EIF4G3: variants seen among roughly 807,000 people sequenced by gnomAD.
EIF4G3 encodes eukaryotic translation initiation factor 4 gamma 3.
In EIF4G3, 34 loss-of-function variants were observed where a neutral mutation model predicts 186.4. That is an observed-to-expected ratio of 0.18 (90% CI 0.14 to 0.24). The LOEUF (loss-of-function observed/expected upper bound fraction) is 0.24. EIF4G3 is among the 10% of genes least tolerant of loss of function. EIF4G3 has a pLI of 1.00. For synonymous variants in EIF4G3, 673 were observed against 679.5 expected, an observed-to-expected ratio of 0.99 and a Z score of 0.15; for missense variants, 1,536 against 1,948.5, an observed-to-expected ratio of 0.79 and a Z score of 3.99.
At chr1:20,984,366 A>G (rs1175737388) in intron 7 of EIF4G3, among the ~76,000 whole-genome samples, 2 of 151,770 alleles carry the variant, frequency 1.3e-5, no homozygotes, top group Admixed American at 6.6e-5. Flanking sequence ...GGGTTTCACC[A>G]TATTGGCCAG....
chr1:21,143,487 G>A (rs2097376764), intron 2 of EIF4G3, among the ~76,000 whole-genome samples: 1 of 152,140 alleles, frequency 6.6e-6, no homozygotes, highest in African/African-American at 2.4e-5. Flanking sequence ...GGCATAGAAA[G>A]TCTGGAGAAA....
At chr1:20,989,154 T>C (rs1407099250) in intron 7 of EIF4G3, among the ~76,000 whole-genome samples, 2 of 142,970 alleles carry the variant, frequency 1.4e-5, no homozygotes, top group African/African-American at 2.6e-5. Context: ...TTCACAAGCA[T>C]TTGGAAGAAG....
intron 7 of EIF4G3, among the ~76,000 whole-genome samples, chr1:20,991,141 A>T (rs1036767666): frequency 4.6e-5 from 7 of 151,944 alleles, no homozygotes; most frequent in Non-Finnish European, 1.0e-4. Context: ...TCCATTCTAA[A>T]TTTTTTCTAT....
rs373369546 is a variant in EIF4G3 at position 21,002,771 on chromosome 1, G to C, written c.-29C>G. The C allele has an allele frequency of 2.5e-5, 40 of 1,613,656 alleles. No homozygotes were observed. In the African/African-American group the frequency reaches 4.3e-4, roughly 17 times the overall value. On this transcript the variant is annotated 5_prime_UTR_variant, in exon 5 of 37. Transcript: ENST00000602326. ...CTGAGGGGTTTGAGGGTATACCAGC[G>C]TGGTTGGACCTGCATTCTGTCCAGA...
chr1:20,927,447 A>G (rs921598882), intron 14 of EIF4G3, among the ~76,000 whole-genome samples: 5 of 152,232 alleles, frequency 3.3e-5, no homozygotes, highest in African/African-American at 9.6e-5. Context: ...TCCAGCAGCA[A>G]TATTTTCTCT....
intron 2 of EIF4G3, among the ~76,000 whole-genome samples, chr1:21,142,610 T>A (rs1048322208): frequency 9.2e-5 from 14 of 152,188 alleles, no homozygotes; most frequent in Non-Finnish European, 2.9e-5. Context: ...AATAAAGATC[T>A]AAATGGAATC....
Position 20,926,862 on chromosome 1 carries a change from A to G in EIF4G3, c.1663+14629T>C, listed in dbSNP as rs10916905. 9.0e-3 allele frequency among the ~76,000 whole-genome samples: 1,372 copies of G among 152,138 alleles called. 25 individuals carry two copies. The highest frequency in any genetic ancestry group is 0.032 in the African/African-American group (1,318 of 41,506). On this transcript the variant is annotated intron_variant, in intron 14 of 36. Coordinates refer to ENST00000602326, the MANE Select transcript of EIF4G3 (RefSeq NM_001391906.1). ...AATAAAAGCTCTCGGGGATAACAGA[A>G]AAATAAAAGCTTTACTAATCCTGGA... is the stretch of plus-strand genomic sequence containing the variant.
chr1:21,135,351 T>C (rs1253713216), intron 2 of EIF4G3, among the ~76,000 whole-genome samples: 1 of 151,924 alleles, frequency 6.6e-6, no homozygotes, highest in Non-Finnish European at 1.5e-5. Context: ...AATACAAAAT[T>C]AGCTGGCTGT....
Position 20,954,775 on chromosome 1 carries a change from C to T in EIF4G3, c.715-4664G>A, listed in dbSNP as rs1207649288. On this transcript the variant is annotated intron_variant, in intron 12 of 36. Coordinates refer to ENST00000602326, the MANE Select transcript of EIF4G3 (RefSeq NM_001391906.1). ...AGAGCTTATATTCTATCAAAGGAAA[C>T]ATATGGTATAGACCACAAAATTAAT... Among the ~76,000 whole-genome samples the T allele has an allele frequency of 2.0e-5, 3 of 152,060 alleles. No individual in the cohort carries two copies. In the East Asian group the frequency reaches 5.8e-4, roughly 29 times the overall value.
intron 3 of EIF4G3, chr1:21,064,705 A>G (rs192790705): frequency 7.2e-5 from 11 of 152,390 alleles, no homozygotes; most frequent in African/African-American, 9.6e-5. Context: ...ATCATTTAGT[A>G]AAACTACACA....
intron 3 of EIF4G3, among the ~76,000 whole-genome samples, chr1:21,057,079 C>A (rs2094594938): frequency 6.6e-6 from 1 of 152,154 alleles, no homozygotes; most frequent in South Asian, 2.1e-4. Context: ...TAAACTGGTA[C>A]AACCACTTTG....
intron 2 of EIF4G3, among the ~76,000 whole-genome samples, chr1:21,154,751 A>G (rs1487403786): frequency 6.6e-6 from 1 of 152,206 alleles, no homozygotes; most frequent in Non-Finnish European, 1.5e-5. Flanking sequence ...GATATATGCT[A>G]TGTATCTATG....
At chr1:20,820,637 G>A (rs1262509566) in intron 33 of EIF4G3, among the ~76,000 whole-genome samples, 1 of 152,166 alleles carries the variant, frequency 6.6e-6, no homozygotes, top group Non-Finnish European at 1.5e-5. Context: ...GCCCAACCAT[G>A]GCTGCCTATG....
chr1:21,131,430 A>AT (rs780236528), intron 2 of EIF4G3, among the ~76,000 whole-genome samples: 17 of 150,914 alleles, frequency 1.1e-4, no homozygotes, highest in Non-Finnish European at 2.4e-4. Context: ...AATACTTGAG[A>AT]TAATGACCTA....
At chr1:21,002,187 T>C (rs2083685719) in intron 5 of EIF4G3, among the ~76,000 whole-genome samples, 2 of 152,240 alleles carry the variant, frequency 1.3e-5, no homozygotes, top group South Asian at 4.1e-4. Context: ...TACATTTGTA[T>C]CACAATTTAT....
chr1:20,814,821 C>A (rs1310869180), intron 34 of EIF4G3, among the ~76,000 whole-genome samples: 1 of 119,048 alleles, frequency 8.4e-6, no homozygotes, highest in Non-Finnish European at 1.8e-5. Flanking sequence ...CACGGTCTCC[C>A]TCTGATGCCG....
intron 4 of EIF4G3, among the ~76,000 whole-genome samples, chr1:21,043,011 T>G (rs1032569943): frequency 6.6e-6 from 1 of 152,132 alleles, no homozygotes; most frequent in Admixed American, 6.5e-5. Flanking sequence ...AGTGAGTTTT[T>G]CCCCCAAATC....
At chr1:21,167,772 T>A (rs1408756078) in intron 2 of EIF4G3, among the ~76,000 whole-genome samples, 1 of 151,188 alleles carries the variant, frequency 6.6e-6, no homozygotes, top group Non-Finnish European at 1.5e-5. Context: ...AAAAAAAAAA[T>A]TAGGACTCTG....
At chr1:20,869,868 G>A (rs1422917115) in intron 20 of EIF4G3, among the ~76,000 whole-genome samples, 1 of 151,666 alleles carries the variant, frequency 6.6e-6, no homozygotes. Flanking sequence ...CAGGTCCATG[G>A]TGACATACTA....
Sources: allele counts gnomAD v4.1 joint callset (sites outside exome capture counted in the v4.1 genomes callset), GRCh38; gene constraint gnomAD v4.1.1; transcripts MANE v1.5; gene names NCBI Gene and HGNC (gene_info 2026-07-23, HGNC 2026-07-21).